SEZ6L: variants seen among roughly 807,000 people sequenced by gnomAD.
SEZ6L encodes seizure 6-like protein.
SEZ6L carries 37 observed loss-of-function variants against 106.2 expected under a neutral mutation model. That is an observed-to-expected ratio of 0.35 (90% CI 0.27 to 0.46). The LOEUF (loss-of-function observed/expected upper bound fraction) is 0.46, where lower values mean the gene tolerates loss of function less well. SEZ6L is among the 20% of genes least tolerant of loss of function. The pLI, the probability that SEZ6L is intolerant of heterozygous loss-of-function variation, is 1.00. For missense variants in SEZ6L, 1,172 were observed against 1,332.8 expected (o/e 0.88, Z 1.88); for synonymous variants, 541 against 570.4 (o/e 0.95, Z 0.73).
chr22:26,214,374 C>T (rs958863311), intron 1 of SEZ6L, among the ~76,000 whole-genome samples: 3 of 152,074 alleles, frequency 2.0e-5, no homozygotes, highest in African/African-American at 4.8e-5. Flanking sequence ...GCCCGGCACA[C>T]GGAAAAGAAC....
At chr22:26,324,077 C>G (rs2082233206) in intron 9 of SEZ6L, among the ~76,000 whole-genome samples, 1 of 146,454 alleles carries the variant, frequency 6.8e-6, no homozygotes, top group Non-Finnish European at 1.5e-5. Flanking sequence ...CACACACACA[C>G]ACACACACAC....
At chr22:26,300,302 C>A (rs966538182) in intron 5 of SEZ6L, among the ~76,000 whole-genome samples, 1 of 152,120 alleles carries the variant, frequency 6.6e-6, no homozygotes, top group African/African-American at 2.4e-5. Context: ...TATCCCTCCC[C>A]CCTCTCCCCA....
At chr22:26,223,901 G>A (rs1438259127) in intron 1 of SEZ6L, among the ~76,000 whole-genome samples, 1 of 152,136 alleles carries the variant, frequency 6.6e-6, no homozygotes, top group African/African-American at 2.4e-5. Flanking sequence ...AGCTGGTACA[G>A]TCTGGATCTG....
intron 9 of SEZ6L, among the ~76,000 whole-genome samples, chr22:26,331,709 C>T (rs1350151556): frequency 3.3e-5 from 5 of 152,186 alleles, no homozygotes; most frequent in African/African-American, 9.7e-5. Context: ...CTGGGCCAGG[C>T]GTGGTGGCTC....
chr22:26,316,161 A>G (rs1453985671), intron 9 of SEZ6L, among the ~76,000 whole-genome samples: 4 of 152,240 alleles, frequency 2.6e-5, no homozygotes, highest in African/African-American at 9.6e-5. Context: ...CATTCATTCC[A>G]ACCGAACTGT....
intron 1 of SEZ6L, among the ~76,000 whole-genome samples, chr22:26,259,869 G>GA (rs1357677485): frequency 6.6e-6 from 1 of 152,040 alleles, no homozygotes; most frequent in Non-Finnish European, 1.5e-5. Flanking sequence ...TGCTATTAAA[G>GA]AAAAAAATTG....
At chr22:26,202,509 G>C (rs754669197) in intron 1 of SEZ6L, among the ~76,000 whole-genome samples, 1 of 152,198 alleles carries the variant, frequency 6.6e-6, no homozygotes, top group African/African-American at 2.4e-5. Flanking sequence ...GGATGAGAGG[G>C]CTACCCAGCT....
intron 1 of SEZ6L, among the ~76,000 whole-genome samples, chr22:26,195,602 T>G (rs1197898729): frequency 1.3e-5 from 2 of 152,186 alleles, no homozygotes; most frequent in Admixed American, 6.5e-5. Flanking sequence ...ATGTAAAAAT[T>G]ATCACTATGT....
At chr22:26,277,391 G>A (rs2080584705) in intron 1 of SEZ6L, among the ~76,000 whole-genome samples, 1 of 152,230 alleles carries the variant, frequency 6.6e-6, no homozygotes, top group African/African-American at 2.4e-5. Flanking sequence ...GTGCAGTTTG[G>A]TGTGTTGTTT....
At chr22:26,269,563 C>T (rs527677233) in intron 1 of SEZ6L, among the ~76,000 whole-genome samples, 101 of 152,356 alleles carry the variant, frequency 6.6e-4, no homozygotes, top group African/African-American at 2.2e-3. Context: ...CAATCTTCGA[C>T]GCACCAGCTC....
At chr22:26,260,328 A>T (rs1661511379) in intron 1 of SEZ6L, among the ~76,000 whole-genome samples, 1 of 152,080 alleles carries the variant, frequency 6.6e-6, no homozygotes, top group Non-Finnish European at 1.5e-5. Context: ...CTATGGTATC[A>T]TTCTTATGCC....
chr22:26,316,543 A>C (rs1202077814), intron 9 of SEZ6L, among the ~76,000 whole-genome samples: 2 of 152,080 alleles, frequency 1.3e-5, no homozygotes, highest in East Asian at 3.9e-4. Flanking sequence ...GAAAAGAAGA[A>C]TGTCCTGGCC....
chr22:26,182,337 G>A (rs1939458950), intron 1 of SEZ6L, among the ~76,000 whole-genome samples: 1 of 152,154 alleles, frequency 6.6e-6, no homozygotes, highest in Non-Finnish European at 1.5e-5. Context: ...TGGTGCTTAA[G>A]ACCTCAGAAT....
rs5844691 is a variant in SEZ6L, at chr22:26,373,498, GAA to G, written c.2827+26_2827+27del. 1.9e-4 allele frequency: 253 copies of G among 1,348,878 alleles called. No individual in the cohort carries two copies. Among genetic ancestry groups the G allele is most frequent in the African/African-American group, 1.2e-3 (81 of 65,740 alleles). 83.6% of individuals were successfully genotyped at this position (1,348,878 alleles called of 1,614,324 possible). A position where few individuals can be genotyped will look rare whatever the true frequency, so the allele number is the denominator to read the frequency against. On this transcript the variant is annotated intron_variant, in intron 14 of 16. Transcript: ENST00000248933. ...TGCTTTAGAAGGTGAGTTCCAGAAC[GAA>G]AAAAAAAAAAGTTCAATAAATCAAA... is the stretch of plus-strand genomic sequence containing the variant.
chr22:26,373,624 AT>A (rs1360732883), intron 14 of SEZ6L, 141 bp downstream of exon 14: 30 of 722,886 alleles, frequency 4.2e-5, no homozygotes, highest in Middle Eastern at 4.0e-4. Context: ...TAATCTTAAA[AT>A]AATATTGTAG....
chr22:26,290,473 A>C (rs879525405), intron 1 of SEZ6L, among the ~76,000 whole-genome samples: 4 of 152,248 alleles, frequency 2.6e-5, no homozygotes, highest in Non-Finnish European at 4.4e-5. Flanking sequence ...CGGAGCTTGC[A>C]GTGAGCCGAG....
intron 1 of SEZ6L, among the ~76,000 whole-genome samples, chr22:26,283,265 T>C (rs1237418111): frequency 2.0e-5 from 3 of 152,204 alleles, no homozygotes; most frequent in Non-Finnish European, 1.5e-5. Flanking sequence ...TATGTGAATG[T>C]AATCCCCAAA....
In SEZ6L at chr22:26,382,215, T is replaced by C; in HGVS notation, c.*1920T>C. On this transcript the variant is annotated 3_prime_UTR_variant, in exon 17 of 17. Coordinates refer to ENST00000248933, the MANE Select transcript of SEZ6L (RefSeq NM_021115.5). The stretch of plus-strand genomic sequence containing the variant: ...CCAGAGAAGTGTTCTAGGCCATTAG[T>C]GGACAATGTCATGTTTGGAGAAAGA... 3.7e-6 allele frequency: 1 copy of C among 267,842 alleles called. No individual in the cohort carries two copies. Among genetic ancestry groups the C allele is most frequent in the South Asian group, 4.1e-5 (1 of 24,638 alleles). The allele number at this position is 267,842 out of a possible 1,614,324, so 16.6% of individuals were successfully genotyped here.
At chr22:26,242,130 C>A (rs1161783467) in intron 1 of SEZ6L, among the ~76,000 whole-genome samples, 1 of 152,238 alleles carries the variant, frequency 6.6e-6, no homozygotes, top group African/African-American at 2.4e-5. Context: ...ACTTGCTGCC[C>A]AGGCAGGTTG....
Sources: gnomAD v4.1 joint callset for allele counts (sites outside exome capture counted in the v4.1 genomes callset) on GRCh38, gnomAD v4.1.1 for gene constraint, MANE v1.5 for transcripts, NCBI Gene and HGNC (gene_info 2026-07-23, HGNC 2026-07-21) for gene names.